ROCK2: variants seen among roughly 807,000 people sequenced by gnomAD.
ROCK2 encodes rho-associated protein kinase 2.
ROCK2 carries 61 observed loss-of-function variants against 195.1 expected under a neutral mutation model. The observed-to-expected ratio is 0.31, with a 90% CI of 0.25 to 0.39. ROCK2 has a LOEUF of 0.39. Ranked by LOEUF, ROCK2 falls within the 10% of genes least tolerant of loss-of-function variation. The probability of loss-of-function intolerance (pLI) is 1.00; values close to 1 mark genes in which losing one functional copy is unlikely to be tolerated. For synonymous variants in ROCK2, 504 were observed against 545.5 expected, an observed-to-expected ratio of 0.92 and a Z score of 1.06; for missense variants, 1,109 against 1,637.4, an observed-to-expected ratio of 0.68 and a Z score of 5.57.
rs1664378068 is a variant in ROCK2 at position 11,215,059 on chromosome 2, T to C, written c.1717A>G (p.Thr573Ala). Residue 573 changes from threonine (T) to alanine (A), a missense_variant, in exon 16 of 33, where the codon ACA becomes GCA. Coordinates refer to ENST00000315872, the MANE Select transcript of ROCK2 (RefSeq NM_004850.5). ...QLDETNALLR[T>A]ESDTAARLRK... is the part of the protein sequence containing the mutation. ...AACCGGGCTGCAGTATCAGACTCTGTTCGCAGTAAAGCATTGGTTTCATCC... is the reference window on the plus strand; with the variant it reads ...AACCGGGCTGCAGTATCAGACTCTGCTCGCAGTAAAGCATTGGTTTCATCC... The C allele has an allele frequency of 2.5e-6, 4 of 1,614,026 alleles. No individual in the cohort carries two copies. Among genetic ancestry groups the C allele is most frequent in the African/African-American group, 1.3e-5 (1 of 74,926 alleles).
chr2:11,302,529 T>G (rs1284825197), intron 1 of ROCK2, among the ~76,000 whole-genome samples: 1 of 152,158 alleles, frequency 6.6e-6, no homozygotes, highest in East Asian at 1.9e-4. Flanking sequence ...CTTTGCCCCA[T>G]CGACCTTCTC....
At chr2:11,332,458 CAAATT>C (rs745609775) in intron 1 of ROCK2, among the ~76,000 whole-genome samples, 4 of 152,078 alleles carry the variant, frequency 2.6e-5, no homozygotes, top group South Asian at 2.1e-4. Flanking sequence ...TATAATGATC[CAAATT>C]AGGCCACACT....
rs2148012823 is a variant in ROCK2 at position 11,181,265 on chromosome 2, A to G, written c.*2172T>C. The G allele has an allele frequency of 6.7e-6, 1 of 149,684 alleles. No homozygotes were observed. Among genetic ancestry groups the G allele is most frequent in the East Asian group, 1.9e-4 (1 of 5,148 alleles). The allele number at this position is 149,684 out of a possible 1,614,324, so 9.3% of individuals were successfully genotyped here. Reference sequence around the variant, plus strand: ...CCATAATGTAACAAAATCTTTATATAAAATATTAATTCAGTCTCCTTTTAA... The same window carrying G: ...CCATAATGTAACAAAATCTTTATATGAAATATTAATTCAGTCTCCTTTTAA... On this transcript the variant is annotated 3_prime_UTR_variant, in exon 33 of 33. Transcript: ENST00000315872.
intron 3 of ROCK2, among the ~76,000 whole-genome samples, chr2:11,251,612 T>C (rs1174483964): frequency 6.6e-6 from 1 of 152,128 alleles, no homozygotes; most frequent in Non-Finnish European, 1.5e-5. Context: ...GGGCAAAGAC[T>C]TCATGACAAA....
intron 1 of ROCK2, among the ~76,000 whole-genome samples, chr2:11,335,751 T>C (rs1668908543): frequency 6.6e-6 from 1 of 152,198 alleles, no homozygotes; most frequent in Admixed American, 6.5e-5. Flanking sequence ...GATATAATCT[T>C]TGAACTCCTA....
At chr2:11,279,839 T>C (rs1339590755) in intron 3 of ROCK2, among the ~76,000 whole-genome samples, 1 of 152,154 alleles carries the variant, frequency 6.6e-6, no homozygotes, top group Non-Finnish European at 1.5e-5. Flanking sequence ...TATTCTCAGA[T>C]CACTATGGAT....
chr2:11,191,166 G>C (rs1663407254), intron 32 of ROCK2, among the ~76,000 whole-genome samples: 1 of 152,142 alleles, frequency 6.6e-6, no homozygotes, highest in Admixed American at 6.5e-5. Flanking sequence ...CTGATCAAAG[G>C]ATATGCTTTT....
chr2:11,241,917 A>C (rs998704519), intron 4 of ROCK2, among the ~76,000 whole-genome samples: 7 of 152,156 alleles, frequency 4.6e-5, no homozygotes, highest in South Asian at 2.1e-4. Context: ...CACTTGAGCC[A>C]CCTTGTTAGC....
intron 4 of ROCK2, among the ~76,000 whole-genome samples, chr2:11,236,311 A>C (rs987438091): frequency 6.6e-6 from 1 of 152,196 alleles, no homozygotes; most frequent in Admixed American, 6.5e-5. Flanking sequence ...TAATTTAAAA[A>C]AAACAGCTTT....
Position 11,234,269 on chromosome 2 carries a change from C to T in ROCK2, c.723+1433G>A, listed in dbSNP as rs1408529967. On this transcript the variant is annotated intron_variant, in intron 5 of 32. Transcript: ENST00000315872. ...GTTCCCCATATTCTTCTTCTCTACACCTTGCTCTCCTTAACCACCCTTATC... is the reference window on the plus strand; with the variant it reads ...GTTCCCCATATTCTTCTTCTCTACATCTTGCTCTCCTTAACCACCCTTATC... 4 of 152,052 alleles carry T rather than the reference C, an allele frequency of 2.6e-5. No homozygotes were observed. The East Asian group carries it at 7.7e-4, about 29-fold the overall frequency. The allele number at this position is 152,052 out of a possible 1,614,324, so 9.4% of individuals were successfully genotyped here.
intron 1 of ROCK2, among the ~76,000 whole-genome samples, chr2:11,339,708 T>C (rs1669044943): frequency 6.6e-6 from 1 of 152,088 alleles, no homozygotes; most frequent in African/African-American, 2.4e-5. Flanking sequence ...AATGCTGACA[T>C]TTTATAAAGT....
intron 1 of ROCK2, among the ~76,000 whole-genome samples, chr2:11,301,952 C>A (rs1034599630): frequency 6.6e-6 from 1 of 151,684 alleles, no homozygotes; most frequent in Non-Finnish European, 1.5e-5. Context: ...ATTACAGGCA[C>A]CCACCACCAC....
At chr2:11,296,005 G>GGGGGGAGA (rs766082679) in intron 1 of ROCK2, among the ~76,000 whole-genome samples, 3 of 10,340 alleles carry the variant, frequency 2.9e-4, no homozygotes, top group African/African-American at 6.1e-4. Flanking sequence ...GAGAGAGAGA[G>GGGGGGAGA]GAGAGAGAGA....
At chr2:11,193,171 G>A (rs1415101560) in intron 30 of ROCK2, among the ~76,000 whole-genome samples, 1 of 152,148 alleles carries the variant, frequency 6.6e-6, no homozygotes, top group Non-Finnish European at 1.5e-5. Flanking sequence ...CCTATATTTT[G>A]AGAGTTGAGA....
intron 5 of ROCK2, among the ~76,000 whole-genome samples, chr2:11,233,357 G>GT (rs1471537572): frequency 2.0e-5 from 3 of 152,254 alleles, no homozygotes; most frequent in Non-Finnish European, 2.9e-5. Flanking sequence ...GAACTGAATA[G>GT]TAAGTGTTAG....
chr2:11,295,979 AGAGAGAGAGAG>A (rs1558369517), intron 1 of ROCK2, among the ~76,000 whole-genome samples: 21 of 74,378 alleles, frequency 2.8e-4, no homozygotes, highest in African/African-American at 8.5e-4. Context: ...AGAGAGAGAG[AGAGAGAGAGAG>A]GAGAGAGAGA....
chr2:11,328,236 T>C (rs1367397634), intron 1 of ROCK2, among the ~76,000 whole-genome samples: 4 of 152,134 alleles, frequency 2.6e-5, no homozygotes, highest in African/African-American at 7.2e-5. Context: ...AACACAAAAA[T>C]GCCAACAATT....
At chr2:11,293,399 A>C (rs557266746) in intron 1 of ROCK2, among the ~76,000 whole-genome samples, 8 of 152,356 alleles carry the variant, frequency 5.3e-5, no homozygotes, top group Middle Eastern at 6.8e-3. Flanking sequence ...ATAGCCTATA[A>C]AATCATTCTG....
chr2:11,219,350 A>AAAAG, intron 9 of ROCK2, among the ~76,000 whole-genome samples: 1 of 150,444 alleles, frequency 6.6e-6, no homozygotes, highest in East Asian at 1.9e-4. Flanking sequence ...AAAAAAAAAA[A>AAAAG]AAAAAAAAAA....
Sources: allele counts gnomAD v4.1 joint callset (sites outside exome capture counted in the v4.1 genomes callset), GRCh38; gene constraint gnomAD v4.1.1; transcripts MANE v1.5; gene names NCBI Gene and HGNC (gene_info 2026-07-23, HGNC 2026-07-21).